PCDHA12: variants seen among roughly 807,000 people sequenced by gnomAD.
The protein encoded by PCDHA12 is protocadherin alpha 12.
Under a neutral mutation model 60.0 loss-of-function variants are expected in PCDHA12, and 44 were observed. That is an observed-to-expected ratio of 0.73 (90% CI 0.58 to 0.94). The LOEUF (loss-of-function observed/expected upper bound fraction) is 0.94, where lower values mean the gene tolerates loss of function less well. Ranked by LOEUF, PCDHA12 falls within the 40% of genes least tolerant of loss-of-function variation. The probability of loss-of-function intolerance (pLI) is 0.00; values close to 1 mark genes in which losing one functional copy is unlikely to be tolerated. For missense variants in PCDHA12, 1,276 were observed against 1,239.7 expected (o/e 1.03, Z -0.44); for synonymous variants, 569 against 553.0 (o/e 1.03, Z -0.40).
intron 1 of PCDHA12, among the ~76,000 whole-genome samples, chr5:140,881,688 T>C (rs2153380887): frequency 6.6e-6 from 1 of 152,368 alleles, no homozygotes; most frequent in Middle Eastern, 3.4e-3. Flanking sequence ...TATGTTTCCT[T>C]TTGGAGTCAA....
intron 1 of PCDHA12, chr5:140,927,063 C>T: frequency 6.2e-7 from 1 of 1,611,332 alleles, no homozygotes; most frequent in Non-Finnish European, 8.5e-7. Flanking sequence ...ACTTTCGCTT[C>T]CTTTCCAGCC....
chr5:140,956,130 AC>A (rs1328169081), intron 1 of PCDHA12, among the ~76,000 whole-genome samples: 3 of 152,088 alleles, frequency 2.0e-5, no homozygotes. Context: ...CTATTTGAAT[AC>A]CCTTTATTTC....
chr5:140,967,756 C>T (rs1554229911), intron 1 of PCDHA12: 2 of 1,614,216 alleles, frequency 1.2e-6, no homozygotes, highest in Middle Eastern at 1.6e-4. Context: ...AAGCCTCCTC[C>T]TACCAGATCT....
chr5:140,998,393 C>A (rs1178528705), intron 3 of PCDHA12, among the ~76,000 whole-genome samples: 12 of 152,288 alleles, frequency 7.9e-5, no homozygotes, highest in African/African-American at 2.4e-4. Flanking sequence ...TTAATGCCAT[C>A]TTTATGCCAA....
intron 1 of PCDHA12, 45 bp downstream of exon 1, chr5:140,877,884 C>T: frequency 6.8e-7 from 1 of 1,465,050 alleles, no homozygotes; most frequent in Non-Finnish European, 9.0e-7. Context: ...CCTTGAAGAA[C>T]TTCCGTTTAG....
At chr5:140,894,569 CT>C (rs556288790) in intron 1 of PCDHA12, among the ~76,000 whole-genome samples, 1 of 151,328 alleles carries the variant, frequency 6.6e-6, no homozygotes, top group Non-Finnish European at 1.5e-5. Flanking sequence ...AATTATTTTC[CT>C]TTTTTTTAAT....
rs570244920 is a variant in PCDHA12, at chr5:140,897,293, A to G, written c.2367+19454A>G. Reference sequence around the variant, plus strand: ...GGTGTGCTGCACCCATTAACTCGTCATTTAGCATTAGGTATATCTCCTAAA... The same window carrying G: ...GGTGTGCTGCACCCATTAACTCGTCGTTTAGCATTAGGTATATCTCCTAAA... On this transcript the variant is annotated intron_variant, in intron 1 of 3. Transcript: ENST00000398631. Among the ~76,000 whole-genome samples the G allele has an allele frequency of 1.2e-4, 18 of 149,820 alleles. No homozygotes were observed. In the South Asian group the frequency reaches 3.5e-3, roughly 29 times the overall value.
intron 3 of PCDHA12, among the ~76,000 whole-genome samples, chr5:140,988,417 A>G (rs2097297098): frequency 6.6e-6 from 1 of 152,150 alleles, no homozygotes; most frequent in Non-Finnish European, 1.5e-5. Flanking sequence ...GCTTATGTAA[A>G]GAATTTGTTT....
chr5:140,970,293 T>C (rs2096396195), intron 1 of PCDHA12, among the ~76,000 whole-genome samples: 3 of 152,220 alleles, frequency 2.0e-5, no homozygotes, highest in Admixed American at 2.0e-4. Context: ...TTTCAAGTCC[T>C]TCATGTCTTT....
At position 140,876,283 on chromosome 5, in the gene PCDHA12, G is replaced by A; in HGVS notation, c.811G>A (p.Glu271Lys). 6.2e-7 allele frequency: 1 copy of A among 1,614,056 alleles called. No individual in the cohort carries two copies. The part of the protein sequence containing the change: ...VIQLNASDPD[E>K]GLNGEISYGI... The stretch of plus-strand genomic sequence containing the variant: ...CCAACTAAATGCTTCCGATCCAGAC[G>A]AAGGACTTAATGGAGAAATTTCCTA... Residue 271 changes from glutamate (E) to lysine (K), a missense_variant, in exon 1 of 4, where the codon GAA (glutamate) becomes AAA (lysine). Coordinates refer to ENST00000398631, the MANE Select transcript of PCDHA12 (RefSeq NM_018903.4).
At chr5:140,883,989 G>C (rs1554180956) in intron 1 of PCDHA12, 1 of 1,612,834 alleles carries the variant, frequency 6.2e-7, no homozygotes, top group Non-Finnish European at 8.5e-7. Flanking sequence ...GGCAGCGCGG[G>C]AGGCACAGTG....
At chr5:140,887,249 A>AC (rs1367463344) in intron 1 of PCDHA12, among the ~76,000 whole-genome samples, 3 of 151,838 alleles carry the variant, frequency 2.0e-5, no homozygotes, top group Non-Finnish European at 4.4e-5. Context: ...GGCGCCCGCC[A>AC]CCACGCCCTG....
chr5:140,901,459 C>G (rs528238941), intron 1 of PCDHA12, among the ~76,000 whole-genome samples: 1 of 152,160 alleles, frequency 6.6e-6, no homozygotes, highest in South Asian at 2.1e-4. Flanking sequence ...CACAGACTGT[C>G]TTTTCTCGAG....
intron 1 of PCDHA12, among the ~76,000 whole-genome samples, chr5:140,971,297 T>C (rs1246980755): frequency 4.6e-5 from 7 of 152,222 alleles, no homozygotes; most frequent in Non-Finnish European, 1.0e-4. Context: ...TGTACTTTGG[T>C]ACACAAACAT....
intron 1 of PCDHA12, among the ~76,000 whole-genome samples, chr5:140,899,167 T>C (rs1314014582): frequency 3.3e-5 from 5 of 152,124 alleles, no homozygotes; most frequent in Admixed American, 6.5e-5. Context: ...CTTTTCCTAA[T>C]TGAATACCCT....
rs1041924506 is a variant in PCDHA12 at position 140,932,800 on chromosome 5, C to T, written c.2368-46149C>T. ...GAGTGGACATAAGAGAAAAGCAATA[C>T]CTTGGAAACATATAAGTGGGAAAGT... On this transcript the variant is annotated intron_variant, in intron 1 of 3. Coordinates refer to ENST00000398631, the MANE Select transcript of PCDHA12 (RefSeq NM_018903.4). Among the ~76,000 whole-genome samples the T allele has an allele frequency of 2.6e-5, 4 of 151,684 alleles. No homozygotes were observed. The East Asian group carries it at 5.8e-4, about 22-fold the overall frequency.
At position 140,876,979 on chromosome 5, in the gene PCDHA12, G is replaced by A. The variant is rs1554169178; in HGVS notation, c.1507G>A (p.Ala503Thr). Reference protein sequence around the residue: ...SLVERRVGEHALSSYVSVHAE... With the variant: ...SLVERRVGEHTLSSYVSVHAE... ...GGTGGAGCGGCGGGTGGGCGAGCAC[G>A]CACTGTCGAGCTACGTGTCGGTGCA... The change falls in exon 1 of 4, where the codon GCA becomes ACA. Residue 503 changes from alanine (A) to threonine (T), a missense_variant. By Grantham distance (58) the Ala-to-Thr change is moderately conservative. Transcript: ENST00000398631. 1.2e-6 allele frequency: 2 copies of A among 1,612,614 alleles called. No homozygotes were observed. Among genetic ancestry groups the A allele is most frequent in the South Asian group, 2.2e-5 (2 of 91,020 alleles).
chr5:140,897,368 GTTCCC>G (rs533733561), intron 1 of PCDHA12, among the ~76,000 whole-genome samples: 1,322 of 125,926 alleles, frequency 0.01, 14 homozygotes, highest in African/African-American at 0.03. Flanking sequence ...AGAGTGTGAT[GTTCCC>G]TTCCCCTTCC....
intron 1 of PCDHA12, among the ~76,000 whole-genome samples, chr5:140,889,878 A>G (rs1456816812): frequency 6.6e-6 from 1 of 152,178 alleles, no homozygotes; most frequent in African/African-American, 2.4e-5. Flanking sequence ...GCCTGCCACC[A>G]TGTAAGAATT....
Sources: gnomAD v4.1 joint callset for allele counts (sites outside exome capture counted in the v4.1 genomes callset) on GRCh38, gnomAD v4.1.1 for gene constraint, MANE v1.5 for transcripts, NCBI Gene and HGNC (gene_info 2026-07-23, HGNC 2026-07-21) for gene names.